The following TTC7B variants were observed in gnomAD, a reference collection of about 807,000 sequenced individuals.
TTC7B encodes the protein tetratricopeptide repeat protein 7B.
TTC7B carries 28 observed loss-of-function variants against 106.8 expected under a neutral mutation model. The observed-to-expected ratio is 0.26, with a 90% CI of 0.19 to 0.36. The LOEUF is 0.36. Ranked by LOEUF, TTC7B falls within the 10% of genes least tolerant of loss-of-function variation. The probability of loss-of-function intolerance (pLI) is 1.00; values close to 1 mark genes in which losing one functional copy is unlikely to be tolerated. For missense variants in TTC7B, 862 were observed against 1,076.4 expected (o/e 0.80, Z 2.79); for synonymous variants, 405 against 430.6 (o/e 0.94, Z 0.74).
intron 4 of TTC7B, among the ~76,000 whole-genome samples, chr14:90,730,969 A>G (rs1221225587): frequency 6.6e-6 from 1 of 152,172 alleles, no homozygotes; most frequent in Non-Finnish European, 1.5e-5. Context: ...TTTCTGAGAC[A>G]GAGTCTCGCT....
At chr14:90,632,383 C>T (rs187464518) in intron 15 of TTC7B, among the ~76,000 whole-genome samples, 1 of 152,260 alleles carries the variant, frequency 6.6e-6, no homozygotes, top group African/African-American at 2.4e-5. Context: ...AACTGAACTT[C>T]TCTGAGAGTA....
chr14:90,713,608 G>A (rs900969791), intron 5 of TTC7B, among the ~76,000 whole-genome samples: 7 of 152,152 alleles, frequency 4.6e-5, no homozygotes, highest in Admixed American at 2.6e-4. Flanking sequence ...CGGCAGGAAC[G>A]TAAAATGGTA....
intron 18 of TTC7B, among the ~76,000 whole-genome samples, chr14:90,579,286 G>T (rs966850268): frequency 3.3e-5 from 5 of 152,222 alleles, no homozygotes; most frequent in African/African-American, 1.2e-4. Flanking sequence ...GCCTCACGCA[G>T]AGGCCGCCCG....
At chr14:90,792,530 T>C (rs1282334006) in intron 1 of TTC7B, among the ~76,000 whole-genome samples, 1 of 152,120 alleles carries the variant, frequency 6.6e-6, no homozygotes, top group African/African-American at 2.4e-5. Flanking sequence ...TGAGCTGAGA[T>C]TGTGCCACTG....
chr14:90,569,891 C>T (rs1890962148), intron 19 of TTC7B: 1 of 152,280 alleles, frequency 6.6e-6, no homozygotes, highest in African/African-American at 2.4e-5. Context: ...TCTGCAGGCT[C>T]CAGCAGGGCA....
intron 5 of TTC7B, among the ~76,000 whole-genome samples, chr14:90,718,432 T>C (rs1566853649): frequency 6.6e-6 from 1 of 152,266 alleles, no homozygotes. Context: ...CAGAGGTCTC[T>C]ATGATCTTTC....
chr14:90,767,289 C>T (rs968401806), intron 3 of TTC7B, among the ~76,000 whole-genome samples: 1 of 152,092 alleles, frequency 6.6e-6, no homozygotes, highest in African/African-American at 2.4e-5. Flanking sequence ...CACTAGAGGG[C>T]TTCAAAGGCA....
chr14:90,635,949 G>A lies in TTC7B; in HGVS notation c.1751+8099C>T, dbSNP rs542435202. On this transcript the variant is annotated intron_variant, in intron 15 of 19. Coordinates refer to ENST00000328459, the MANE Select transcript of TTC7B (RefSeq NM_001010854.2). Reference sequence around the variant, plus strand: ...AGCCTGGCCAACATGGTGAAACCCCGTCTCTACTAAAAAATACAAAAATTA... The same window carrying A: ...AGCCTGGCCAACATGGTGAAACCCCATCTCTACTAAAAAATACAAAAATTA... 5.3e-5 allele frequency among the ~76,000 whole-genome samples: 8 copies of A among 151,138 alleles called. No homozygotes were observed. The East Asian group carries it at 1.2e-3, about 22-fold the overall frequency.
intron 18 of TTC7B, among the ~76,000 whole-genome samples, chr14:90,588,154 G>T (rs1188903745): frequency 6.6e-6 from 1 of 152,222 alleles, no homozygotes; most frequent in East Asian, 1.9e-4. Flanking sequence ...AATGGGGCAA[G>T]GCTACGGGAT....
At chr14:90,685,122 G>A (rs1463086121) in intron 7 of TTC7B, among the ~76,000 whole-genome samples, 4 of 152,152 alleles carry the variant, frequency 2.6e-5, no homozygotes, top group African/African-American at 9.7e-5. Context: ...TTTCAGTTAT[G>A]TTCCATTACA....
rs1215607072 is a variant in TTC7B, at chr14:90,540,613, A to T, written c.*755T>A. 6.5e-6 allele frequency: 1 copy of T among 153,764 alleles called. No homozygotes were observed. The highest frequency in any genetic ancestry group is 1.5e-5 in the Non-Finnish European group (1 of 68,040). 9.5% of individuals were successfully genotyped at this position (153,764 alleles called of 1,614,324 possible). A position where few individuals can be genotyped will look rare whatever the true frequency, so the allele number is the denominator to read the frequency against. On this transcript the variant is annotated 3_prime_UTR_variant, in exon 20 of 20. Transcript: ENST00000328459. ...TCCATTTAAAAATCATTTTATTATT[A>T]ACATCATCTTCCCATGTAGCCAAGT...
intron 19 of TTC7B, among the ~76,000 whole-genome samples, chr14:90,548,902 T>C (rs917871394): frequency 1.3e-5 from 2 of 151,858 alleles, no homozygotes; most frequent in South Asian, 2.1e-4. Flanking sequence ...CCGAGGTGGG[T>C]GGATCACAAG....
At chr14:90,698,071 G>C (rs1015182456) in intron 5 of TTC7B, 5 of 152,218 alleles carry the variant, frequency 3.3e-5, no homozygotes, top group African/African-American at 1.2e-4. Flanking sequence ...CAATCGGACA[G>C]CAAGAAGAGG....
intron 5 of TTC7B, among the ~76,000 whole-genome samples, chr14:90,715,118 C>T (rs1284661875): frequency 6.6e-6 from 1 of 152,136 alleles, no homozygotes; most frequent in East Asian, 1.9e-4. Context: ...GACAAGCTTC[C>T]CAGTAAATAG....
At position 90,537,039 on chromosome 14, in the gene TTC7B, C is replaced by T. The variant is rs1474075490; in HGVS notation, c.*4329G>A. The stretch of plus-strand genomic sequence containing the variant: ...CACGAGCCAAGGCCGCAGGAAGCCT[C>T]TAGCCGCTGGAGAAGACGGGGACAC... On this transcript the variant is annotated 3_prime_UTR_variant, in exon 20 of 20. Transcript: ENST00000328459. 6.6e-6 allele frequency: 1 copy of T among 152,264 alleles called. No homozygotes were observed. Among genetic ancestry groups the T allele is most frequent in the Non-Finnish European group, 1.5e-5 (1 of 68,074 alleles). 9.4% of individuals were successfully genotyped at this position (152,264 alleles called of 1,614,324 possible). A position where few individuals can be genotyped will look rare whatever the true frequency, so the allele number is the denominator to read the frequency against.
At chr14:90,771,411 C>A (rs1039433541) in intron 3 of TTC7B, among the ~76,000 whole-genome samples, 2 of 152,080 alleles carry the variant, frequency 1.3e-5, no homozygotes, top group African/African-American at 4.8e-5. Context: ...GCCTGGGCAA[C>A]GTCCAAACCC....
chr14:90,707,913 G>A (rs370682506), intron 5 of TTC7B, among the ~76,000 whole-genome samples: 2 of 152,116 alleles, frequency 1.3e-5, no homozygotes, highest in African/African-American at 2.4e-5. Context: ...TTGGGAGGCC[G>A]AGGCGGGCGG....
At chr14:90,782,967 A>G (rs1891269253) in intron 2 of TTC7B, among the ~76,000 whole-genome samples, 1 of 152,208 alleles carries the variant, frequency 6.6e-6, no homozygotes, top group Non-Finnish European at 1.5e-5. Flanking sequence ...AGGTTAACAA[A>G]AGCAAACTGG....
At chr14:90,543,176 T>C (rs1437152103) in intron 19 of TTC7B, among the ~76,000 whole-genome samples, 2 of 152,274 alleles carry the variant, frequency 1.3e-5, no homozygotes, top group East Asian at 1.9e-4. Context: ...GAGATTCTTT[T>C]CTTTGAAAAG....
Sources: gnomAD v4.1 joint callset for allele counts (sites outside exome capture counted in the v4.1 genomes callset) on GRCh38, gnomAD v4.1.1 for gene constraint, MANE v1.5 for transcripts, NCBI Gene and HGNC (gene_info 2026-07-23, HGNC 2026-07-21) for gene names.